CFAP47: variants seen among roughly 807,000 people sequenced by gnomAD.
The protein encoded by CFAP47 is cilia- and flagella-associated protein 47.
In CFAP47, 29 loss-of-function variants were observed where a neutral mutation model predicts 148.1. That is an observed-to-expected ratio of 0.20 (90% confidence interval 0.15 to 0.27). The LOEUF (loss-of-function observed/expected upper bound fraction) is 0.27, where lower values mean the gene tolerates loss of function less well. Ranked by LOEUF, CFAP47 falls within the 10% of genes least tolerant of loss-of-function variation. The probability of loss-of-function intolerance (pLI) is 1.00; values close to 1 mark genes in which losing one functional copy is unlikely to be tolerated. For missense variants in CFAP47, 1,872 were observed against 1,697.5 expected (o/e 1.10, Z -1.81); for synonymous variants, 664 against 577.3 (o/e 1.15, Z -2.15).
chrX:36,130,141 G>A (rs1234232592), intron 33 of CFAP47, among the ~76,000 whole-genome samples: 1 of 110,943 alleles, frequency 9.0e-6, no homozygotes, highest in Non-Finnish European at 1.9e-5. Context: ...ACAACCCACA[G>A]AAATGGGAGA....
At chrX:36,229,105 C>T in intron 46 of CFAP47, among the ~76,000 whole-genome samples, 1 of 111,557 alleles carries the variant, frequency 9.0e-6, no homozygotes, top group Admixed American at 9.6e-5. Flanking sequence ...GAGTTATGGA[C>T]TCTCAGGTCA....
At chrX:36,031,735 G>GAAT (rs201213277) in intron 23 of CFAP47, among the ~76,000 whole-genome samples, 16 of 107,670 alleles carry the variant, frequency 1.5e-4, no homozygotes, top group African/African-American at 5.0e-4. Context: ...TAATAAATCT[G>GAAT]AATAATAATA....
chrX:36,048,501 A>AT (rs61195307), intron 26 of CFAP47, among the ~76,000 whole-genome samples: 82 of 111,729 alleles, frequency 7.3e-4, no homozygotes, highest in African/African-American at 2.6e-3. Context: ...GGGGGCCAAC[A>AT]TGCTTGGCTT....
intron 26 of CFAP47, among the ~76,000 whole-genome samples, chrX:36,057,565 T>TA (rs779974740): frequency 8.9e-6 from 1 of 112,005 alleles, no homozygotes; most frequent in African/African-American, 3.2e-5. Context: ...TAACTTTTGT[T>TA]AAAAAATACC....
At chrX:35,946,092 C>T (rs921680828) in intron 3 of CFAP47, among the ~76,000 whole-genome samples, 13 of 109,704 alleles carry the variant, frequency 1.2e-4, no homozygotes, top group African/African-American at 2.3e-4. Flanking sequence ...AGGCTGGTCT[C>T]GAACTCCTGA....
chrX:36,235,988 T>C lies in CFAP47; in HGVS notation c.7069T>C (p.Phe2357Leu), dbSNP rs1555994509. The change falls in exon 47 of 64, where the codon TTT becomes CTT. Residue 2357 changes from phenylalanine (F) to leucine (L), a missense_variant. Transcript: ENST00000378653. ...TCAAGTTACTATAGAAGGAGAATGG[T>C]TTTATGGACCTGTTGATTTACATGT... is the stretch of plus-strand genomic sequence containing the variant. ...TFQVTIEGEW[F>L]YGPVDLHVGP... The C allele has an allele frequency of 3.9e-6, 2 of 512,700 alleles. No individual in the cohort carries two copies. Among genetic ancestry groups the C allele is most frequent in the Non-Finnish European group, 7.1e-6 (2 of 282,420 alleles). 42.3% of individuals were successfully genotyped at this position (512,700 alleles called of 1,213,427 possible).
At chrX:35,928,118 T>A (rs1294771935) in intron 2 of CFAP47, among the ~76,000 whole-genome samples, 1 of 109,684 alleles carries the variant, frequency 9.1e-6, no homozygotes, top group Admixed American at 9.9e-5. Context: ...AATATTCCTG[T>A]ACAAGTATTG....
At chrX:36,369,503 G>A (rs1450776905) in intron 62 of CFAP47, among the ~76,000 whole-genome samples, 3 of 110,771 alleles carry the variant, frequency 2.7e-5, no homozygotes, top group African/African-American at 9.8e-5. Context: ...CTTCTAATGT[G>A]CAGATTTGAG....
chrX:36,065,882 G>A, intron 27 of CFAP47, 139 bp downstream of exon 27: 1 of 404,597 alleles, frequency 2.5e-6, no homozygotes, highest in Admixed American at 4.5e-5. Flanking sequence ...GTCATTGAGA[G>A]TAGAATCTGT....
chrX:36,378,571 C>T (rs1942045366), intron 62 of CFAP47, among the ~76,000 whole-genome samples: 1 of 111,942 alleles, frequency 8.9e-6, no homozygotes, highest in Non-Finnish European at 1.9e-5. Context: ...TGGAGTTTCG[C>T]TCTTGTTGCC....
chrX:36,151,581 G>A (rs138596701), intron 37 of CFAP47, among the ~76,000 whole-genome samples: 2,234 of 111,187 alleles, frequency 0.02, 57 homozygotes, highest in African/African-American at 0.068. Flanking sequence ...GCTATTAAAT[G>A]CCAAAGTAGA....
At position 36,007,905 on chromosome X, in the gene CFAP47, A is replaced by T. The variant is rs191810634; in HGVS notation, c.3417+6198A>T. ...TTAAAAAAGACAGTTAAGGGCTGAG[A>T]TGAGTACATTGAATTATCTCGATAA... On this transcript the variant is annotated intron_variant, in intron 21 of 63. Coordinates refer to ENST00000378653, the MANE Select transcript of CFAP47 (RefSeq NM_001304548.2). Among the ~76,000 whole-genome samples the T allele has an allele frequency of 1.2e-4, 13 of 111,572 alleles. No individual in the cohort carries two copies. The East Asian group carries it at 3.4e-3, about 29-fold the overall frequency.
chrX:36,067,997 G>A (rs1203464107), intron 27 of CFAP47, among the ~76,000 whole-genome samples: 3 of 111,707 alleles, frequency 2.7e-5, no homozygotes, highest in Non-Finnish European at 5.6e-5. Context: ...TAATTCCCAG[G>A]TATAAAATCT....
intron 57 of CFAP47, among the ~76,000 whole-genome samples, chrX:36,332,905 G>A (rs1300773031): frequency 2.7e-5 from 3 of 112,233 alleles, no homozygotes; most frequent in Non-Finnish European, 5.6e-5. Context: ...AAGCCCATAT[G>A]CAGCAAAGTA....
intron 50 of CFAP47, among the ~76,000 whole-genome samples, chrX:36,280,996 C>T (rs1186700360): frequency 8.9e-6 from 1 of 112,141 alleles, no homozygotes; most frequent in Non-Finnish European, 1.9e-5. Context: ...GAGATACTAG[C>T]AATCTTCCTC....
chrX:35,988,020 G>A (rs761060329), intron 15 of CFAP47, among the ~76,000 whole-genome samples: 6 of 111,478 alleles, frequency 5.4e-5, no homozygotes, highest in South Asian at 3.8e-4. Context: ...CATTGATCTC[G>A]CTGGGAGCTA....
intron 2 of CFAP47, 34 bp downstream of exon 2, chrX:35,926,202 G>A: frequency 9.3e-7 from 1 of 1,075,091 alleles, no homozygotes; most frequent in Non-Finnish European, 1.3e-6. Context: ...CTGACATTTT[G>A]AATACTCTTT....
At chrX:36,133,768 A>C (rs750015993) in intron 33 of CFAP47, among the ~76,000 whole-genome samples, 16 of 108,182 alleles carry the variant, frequency 1.5e-4, no homozygotes, top group African/African-American at 5.0e-4. Context: ...ACTGTCCCCC[A>C]AAGGGCTCTG....
intron 24 of CFAP47, among the ~76,000 whole-genome samples, chrX:36,038,070 T>A (rs998631433): frequency 1.8e-5 from 2 of 111,790 alleles, no homozygotes; most frequent in Non-Finnish European, 3.8e-5. Context: ...GCTTATTTGA[T>A]TAAGTAATGG....
Sources: gnomAD v4.1 joint callset for allele counts (sites outside exome capture counted in the v4.1 genomes callset) on GRCh38, gnomAD v4.1.1 for gene constraint, MANE v1.5 for transcripts, NCBI Gene and HGNC (gene_info 2026-07-23, HGNC 2026-07-21) for gene names.